The following PPM1G variants were observed in gnomAD, a reference collection of about 807,000 sequenced individuals.
PPM1G encodes the protein protein phosphatase 1G.
A neutral mutation model predicts 59.4 loss-of-function variants in PPM1G; 12 were observed. The observed-to-expected ratio is 0.20, with a 90% confidence interval of 0.13 to 0.33. The LOEUF (loss-of-function observed/expected upper bound fraction) is 0.33. PPM1G is among the 10% of genes least tolerant of loss of function. PPM1G has a pLI of 1.00. For synonymous variants in PPM1G, 245 were observed against 251.9 expected (o/e 0.97, Z 0.26); for missense variants, 392 against 681.3 (o/e 0.58, Z 4.73).
At position 27,388,901 on chromosome 2, in the gene PPM1G, A is replaced by G. The variant is rs1432321989; in HGVS notation, c.121-1743T>C. 2.7e-5 allele frequency among the ~76,000 whole-genome samples: 4 copies of G among 149,414 alleles called. No individual in the cohort carries two copies. The East Asian group carries it at 7.7e-4, about 29-fold the overall frequency. On this transcript the variant is annotated intron_variant, in intron 1 of 9. Coordinates refer to ENST00000344034, the MANE Select transcript of PPM1G (RefSeq NM_177983.3). ...AAAAAAAAAAAAAAAAATTATCTAC[A>G]TGTATATGTGAGTCTGGAAGATCAC...
chr2:27,397,177 A>G (rs1253951509), intron 1 of PPM1G, among the ~76,000 whole-genome samples: 3 of 152,036 alleles, frequency 2.0e-5, no homozygotes, highest in Non-Finnish European at 4.4e-5. Flanking sequence ...CCACAATGAA[A>G]ATTTTTAAAG....
rs756764211 is a variant in PPM1G, at chr2:27,383,608, G to A, written c.967-8C>T. On this transcript the variant is annotated splice_region_variant and splice_polypyrimidine_tract_variant and intron_variant, in intron 6 of 9. Coordinates refer to ENST00000344034, the MANE Select transcript of PPM1G (RefSeq NM_177983.3). This position sits in a 1 kb window ranked among gnomAD's most constrained non-coding sequence, Gnocchi z 5.0. ...ACCACTGTCAGAGCCAGGCTTAAGA[G>A]GAAGAAAAGGAGCATCATGGGGGCT... 7 of 1,605,676 alleles carry A rather than the reference G, an allele frequency of 4.4e-6. No homozygotes were observed. In the African/African-American group the frequency reaches 9.4e-5, roughly 21 times the overall value.
rs1035094693 is a variant in PPM1G at position 27,409,428 on chromosome 2, C to T, written c.-6G>A. The T allele has an allele frequency of 2.0e-6, 3 of 1,504,832 alleles. No homozygotes were observed. The highest frequency in any genetic ancestry group is 2.7e-6 in the Non-Finnish European group (3 of 1,127,872). The allele number at this position is 1,504,832 out of a possible 1,614,324, so 93.2% of individuals were successfully genotyped here. On this transcript the variant is annotated 5_prime_UTR_variant, in exon 1 of 10. Transcript: ENST00000344034. ...TGGGAGAGGTAGGCACCCATGGCGGCGGCTGGCCGGCGGCCTCAGGTGCAG... is the reference window on the plus strand; with the variant it reads ...TGGGAGAGGTAGGCACCCATGGCGGTGGCTGGCCGGCGGCCTCAGGTGCAG...
intron 1 of PPM1G, among the ~76,000 whole-genome samples, chr2:27,394,024 A>G (rs1683984657): frequency 6.6e-6 from 1 of 152,006 alleles, no homozygotes; most frequent in Non-Finnish European, 1.5e-5. Context: ...GGCCTCCCAA[A>G]GTGCTGGGAT....
At chr2:27,404,910 C>T (rs975023412) in intron 1 of PPM1G, among the ~76,000 whole-genome samples, 4 of 146,572 alleles carry the variant, frequency 2.7e-5, no homozygotes, top group African/African-American at 5.0e-5. Context: ...TGCCATTATA[C>T]TCCAGCCTGG....
Position 27,409,586 on chromosome 2 carries a change from A to T in PPM1G, c.-164T>A. On this transcript the variant is annotated 5_prime_UTR_variant, in exon 1 of 10. Coordinates refer to ENST00000344034, the MANE Select transcript of PPM1G (RefSeq NM_177983.3). ...GGCCAGGAGGCGGTAACGGGACGGG[A>T]GCTGTGAGGGAGCGGAAGCGGAAAC... 1 of 901,882 alleles carries T rather than the reference A, an allele frequency of 1.1e-6. No homozygotes were observed. Among genetic ancestry groups the T allele is most frequent in the Non-Finnish European group, 1.5e-6 (1 of 670,360 alleles). 55.9% of individuals were successfully genotyped at this position (901,882 alleles called of 1,614,324 possible).
Position 27,409,559 on chromosome 2 carries a change from C to A in PPM1G, c.-137G>T. ...CAAGGTGCCGGTGAAAGGCGCGAGG[C>A]CGGCCAGGAGGCGGTAACGGGACGG... is the stretch of plus-strand genomic sequence containing the variant. On this transcript the variant is annotated 5_prime_UTR_variant, in exon 1 of 10. Coordinates refer to ENST00000344034, the MANE Select transcript of PPM1G (RefSeq NM_177983.3). The A allele has an allele frequency of 8.6e-7, 1 of 1,166,918 alleles. No homozygotes were observed. The highest frequency in any genetic ancestry group is 4.3e-5 in the Admixed American group (1 of 23,212). 72.3% of individuals were successfully genotyped at this position (1,166,918 alleles called of 1,614,324 possible).
Position 27,409,363 on chromosome 2 carries a change from G to A in PPM1G, c.60C>T (p.Ala20=), listed in dbSNP as rs1663460180. ...AGCCGTAGGGCAGCGGCAGGCGCGGGGCGCCGACCCCGTCCCCGGAGCACT... is the reference window on the plus strand; with the variant it reads ...AGCCGTAGGGCAGCGGCAGGCGCGGAGCGCCGACCCCGTCCCCGGAGCACT... ...TVKCSGDGVG[A]PRLPLPYGFS... Residue 20 remains alanine, a synonymous_variant, in exon 1 of 10, where the codon GCC becomes GCT. Transcript: ENST00000344034. The A allele has an allele frequency of 1.3e-6, 2 of 1,541,812 alleles. No homozygotes were observed. Among genetic ancestry groups the A allele is most frequent in the African/African-American group, 1.4e-5 (1 of 71,674 alleles).
chr2:27,384,988 G>A lies in PPM1G; in HGVS notation c.510C>T (p.His170=). The A allele has an allele frequency of 6.2e-7, 1 of 1,614,212 alleles. No homozygotes were observed. Among genetic ancestry groups the A allele is most frequent in the Non-Finnish European group, 8.5e-7 (1 of 1,180,038 alleles). Residue 170 remains histidine (H), a synonymous_variant, in exon 5 of 10, where the codon CAC becomes CAT. Coordinates refer to ENST00000344034, the MANE Select transcript of PPM1G (RefSeq NM_177983.3). This position sits in a 1 kb window ranked among gnomAD's most constrained non-coding sequence, Gnocchi z 4.8. ...CGCCTGTCCCACCTCCAGATTTGCT[G>A]TGGGGAGGGCCCTTGTGACAGTTCT... The part of the protein sequence containing the change: ...YGQNCHKGPP[H]SKSGGGTGEE...
chr2:27,390,032 T>TTC (rs1683860739), intron 1 of PPM1G, among the ~76,000 whole-genome samples: 1 of 111,250 alleles, frequency 9.0e-6, no homozygotes, highest in South Asian at 2.7e-4. Flanking sequence ...GCATCTTGTT[T>TTC]TCTTTTTTTT....
intron 2 of PPM1G, 122 bp downstream of exon 2, chr2:27,386,967 A>G: frequency 4.2e-6 from 3 of 715,814 alleles, no homozygotes; most frequent in Non-Finnish European, 4.9e-6. Flanking sequence ...AAACAGCACC[A>G]CGCAGGAAAT....
Position 27,384,776 on chromosome 2 carries a change from C to G in PPM1G, c.722G>C (p.Cys241Ser). ...AGGCAGCTTGTCAGAGGCTGAAGAG[C>G]AGGAAGGCCCAGCCTCACCAGTGGG... ...GIPTGEAGPSCSSASDKLPRV... is the reference protein window; with the variant it reads ...GIPTGEAGPSSSSASDKLPRV... Residue 241 changes from cysteine (C) to serine (S), a missense_variant, in exon 5 of 10, where the codon TGC becomes TCC. Cys to Ser is a moderately radical substitution (Grantham distance 112, BLOSUM62 -1). Around this residue, in one of 6 missense-constraint regions of PPM1G, gnomAD observed 188 missense variants for 248.8 expected, o/e 0.76. Coordinates refer to ENST00000344034, the MANE Select transcript of PPM1G (RefSeq NM_177983.3). This position sits in a 1 kb window ranked among gnomAD's most constrained non-coding sequence, Gnocchi z 4.8. 1.2e-6 allele frequency: 2 copies of G among 1,614,230 alleles called. No homozygotes were observed. Among genetic ancestry groups the G allele is most frequent in the African/African-American group, 2.7e-5 (2 of 75,060 alleles).
Position 27,385,299 on chromosome 2 carries a change from AAAC to A in PPM1G, c.410-214_410-212del, listed in dbSNP as rs1572660548. 5.5e-6 allele frequency: 3 copies of A among 544,108 alleles called. No individual in the cohort carries two copies. Among genetic ancestry groups the A allele is most frequent in the Middle Eastern group, 4.8e-4 (1 of 2,082 alleles). The allele number at this position is 544,108 out of a possible 1,614,324, so 33.7% of individuals were successfully genotyped here. The stretch of plus-strand genomic sequence containing the variant: ...TTGTGTTTCATCCCCTTCTTAATCA[AAAC>A]AACACTAGTTACTATACTTCCCCTC... On this transcript the variant is annotated intron_variant, in intron 4 of 9. Transcript: ENST00000344034. This position sits in a 1 kb window ranked among gnomAD's most constrained non-coding sequence, Gnocchi z 4.1.
rs1683623658 is a variant in PPM1G, at chr2:27,381,447, G to A, written c.*152C>T. ...GAGGCTCCCGGCTGCAGTGTGGAGG[G>A]AGAGCCCTCTTTGGAATGGGCGGAG... On this transcript the variant is annotated 3_prime_UTR_variant, in exon 10 of 10. Transcript: ENST00000344034. The A allele has an allele frequency of 2.5e-6, 2 of 792,574 alleles. No individual in the cohort carries two copies. The highest frequency in any genetic ancestry group is 2.1e-6 in the Non-Finnish European group (1 of 485,432). The allele number at this position is 792,574 out of a possible 1,614,324, so 49.1% of individuals were successfully genotyped here.
chr2:27,390,642 A>C (rs764006523), intron 1 of PPM1G, among the ~76,000 whole-genome samples: 2 of 152,022 alleles, frequency 1.3e-5, no homozygotes, highest in Non-Finnish European at 2.9e-5. Context: ...AAACCATGTC[A>C]GTTTTTTTTT....
At chr2:27,395,833 AC>A (rs1684038638) in intron 1 of PPM1G, among the ~76,000 whole-genome samples, 1 of 145,116 alleles carries the variant, frequency 6.9e-6, no homozygotes, top group Non-Finnish European at 1.5e-5. Context: ...CAAGAATAAG[AC>A]CGTCTCAAAA....
chr2:27,394,487 T>A (rs867706703), intron 1 of PPM1G, among the ~76,000 whole-genome samples: 6 of 151,912 alleles, frequency 3.9e-5, no homozygotes, highest in Non-Finnish European at 7.4e-5. Flanking sequence ...TCCCACCACT[T>A]TGGGAGGCCG....
Position 27,384,176 on chromosome 2 carries a change from G to A in PPM1G, c.826-84C>T. 6.3e-7 allele frequency: 1 copy of A among 1,588,146 alleles called. No individual in the cohort carries two copies. The highest frequency in any genetic ancestry group is 1.1e-5 in the South Asian group (1 of 87,998). On this transcript the variant is annotated intron_variant, in intron 5 of 9. Transcript: ENST00000344034. This position sits in a 1 kb window ranked among gnomAD's most constrained non-coding sequence, Gnocchi z 4.8. ...CTCATACTCAGAATCAAGAGGTCCTGACTGAACACAGGTCCTCAAAACACT... is the reference window on the plus strand; with the variant it reads ...CTCATACTCAGAATCAAGAGGTCCTAACTGAACACAGGTCCTCAAAACACT...
Position 27,384,734 on chromosome 2 carries a change from T to C in PPM1G, c.764A>G (p.Lys255Arg), listed in dbSNP as rs1417323037. Residue 255 changes from lysine to arginine, a missense_variant, in exon 5 of 10, where the codon AAG (lysine) becomes AGG (arginine). Physicochemically the swap from Lys to Arg is conservative, Grantham distance 26. Around this residue, in one of 6 missense-constraint regions of PPM1G, gnomAD observed 188 missense variants for 248.8 expected, o/e 0.76. Transcript: ENST00000344034. This position sits in a 1 kb window ranked among gnomAD's most constrained non-coding sequence, Gnocchi z 4.8. The stretch of plus-strand genomic sequence containing the variant: ...CTCATCCTCACTGTCCTCAAAGAAC[T>C]TGGACTTAGCAACTCGAGGCAGCTT... ...SDKLPRVAKS[K>R]FFEDSEDESD... The C allele has an allele frequency of 6.2e-7, 1 of 1,614,176 alleles. No homozygotes were observed. The highest frequency in any genetic ancestry group is 8.5e-7 in the Non-Finnish European group (1 of 1,180,020).
Sources: allele counts gnomAD v4.1 joint callset (sites outside exome capture counted in the v4.1 genomes callset), GRCh38; gene constraint gnomAD v4.1.1; regional missense constraint gnomAD v4.1.1; non-coding constraint Gnocchi (gnomAD v3.1); transcripts MANE v1.5; gene names NCBI Gene and HGNC (gene_info 2026-07-23, HGNC 2026-07-21).